The following GIT2 variants were observed in gnomAD, a reference collection of about 807,000 sequenced individuals.
GIT2 encodes the protein GIT ArfGAP 2.
Under a neutral mutation model 100.3 loss-of-function variants are expected in GIT2, and 32 were observed. That is an observed-to-expected ratio of 0.32 (90% confidence interval 0.24 to 0.43). The LOEUF is 0.43. Among genes scored for constraint, GIT2 ranks in the 20% least tolerant of loss-of-function variants. The pLI is 1.00. For missense variants in GIT2, 737 were observed against 975.1 expected (o/e 0.76, Z 3.25); for synonymous variants, 353 against 364.1 (o/e 0.97, Z 0.35).
intron 14 of GIT2, among the ~76,000 whole-genome samples, chr12:109,949,587 G>A (rs1015417301): frequency 1.1e-4 from 17 of 152,198 alleles, no homozygotes; most frequent in African/African-American, 4.1e-4. Flanking sequence ...AAAATAAAAA[G>A]TTATAGACAA....
chr12:109,992,765 G>T (rs10083041), intron 1 of GIT2, among the ~76,000 whole-genome samples: 1 of 151,634 alleles, frequency 6.6e-6, no homozygotes, highest in Non-Finnish European at 1.5e-5. Context: ...TCTGCCTCCA[G>T]GGTTCAAGCG....
intron 4 of GIT2, among the ~76,000 whole-genome samples, chr12:109,986,024 C>T (rs2136883933): frequency 6.6e-6 from 1 of 151,724 alleles, no homozygotes; most frequent in Middle Eastern, 3.4e-3. Context: ...CAGAGTGAGA[C>T]TCTGTCGTTT....
In GIT2 at chr12:109,954,521, T is replaced by A. The variant is rs1162849246; in HGVS notation, c.1100-1287A>T. The A allele has an allele frequency of 2.0e-5, 3 of 152,216 alleles. No homozygotes were observed. The East Asian group carries it at 5.8e-4, about 29-fold the overall frequency. 9.4% of individuals were successfully genotyped at this position (152,216 alleles called of 1,614,324 possible). On this transcript the variant is annotated intron_variant, in intron 12 of 19. Transcript: ENST00000355312. ...CTGATTTCTTTCAGGCAACTCAAAC[T>A]CTGACTTCTAATATTGTTTCCCAGA...
At position 109,953,120 on chromosome 12, in the gene GIT2, G is replaced by T. The variant is rs1334067007; in HGVS notation, c.1214C>A (p.Thr405Asn). ...VASDEDTDLE[T>N]TASKTNRQKS... ...CTGCCGGTTTGTTTTGCTTGCAGTG[G>T]TTTCCAAATCTGTGTCTTCGTCTGA... Residue 405 changes from threonine (T) to asparagine (N), a missense_variant, in exon 13 of 20, where the codon ACC (threonine) becomes AAC (asparagine). Transcript: ENST00000355312. 2 of 1,614,016 alleles carry T rather than the reference G, an allele frequency of 1.2e-6. No homozygotes were observed. Among genetic ancestry groups the T allele is most frequent in the Non-Finnish European group, 1.7e-6 (2 of 1,180,036 alleles).
Position 109,932,377 on chromosome 12 carries a change from G to A in GIT2, c.*601C>T, listed in dbSNP as rs1871801239. On this transcript the variant is annotated 3_prime_UTR_variant, in exon 20 of 20. Transcript: ENST00000355312. ...CTTGAGATAACAACATTAAATAACA[G>A]AACATGTAACAGGGTAAAACACTGA... 6.6e-6 allele frequency: 1 copy of A among 152,612 alleles called. No homozygotes were observed. The highest frequency in any genetic ancestry group is 1.5e-5 in the Non-Finnish European group (1 of 68,392). The allele number at this position is 152,612 out of a possible 1,614,324, so 9.5% of individuals were successfully genotyped here.
At position 109,947,414 on chromosome 12, in the gene GIT2, T is replaced by C; in HGVS notation, c.1483A>G (p.Thr495Ala). 6.2e-7 allele frequency: 1 copy of C among 1,614,070 alleles called. No homozygotes were observed. The highest frequency in any genetic ancestry group is 1.1e-5 in the South Asian group (1 of 91,086). ...QVQTGSEYTD[T>A]SNHSSLKRRP... ...CTCTTTAAGGAAGAGTGGTTGGAAG[T>C]GTCTGTGTACTCAGAACCAGTTTGC... The change falls in exon 15 of 20, where the codon ACT becomes GCT. Residue 495 changes from threonine to alanine, a missense_variant. Thr to Ala is a moderately conservative substitution (Grantham distance 58). Around this residue, in one of 3 missense-constraint regions of GIT2, gnomAD observed 451 missense variants for 543.7 expected, o/e 0.83. Coordinates refer to ENST00000355312, the MANE Select transcript of GIT2 (RefSeq NM_057169.5). The surrounding 1 kb of genome is among the most constrained non-coding windows in gnomAD (Gnocchi z 4.3).
At chr12:109,961,078 G>A (rs1354418932) in intron 11 of GIT2, among the ~76,000 whole-genome samples, 200 bp downstream of exon 11, 1 of 152,046 alleles carries the variant, frequency 6.6e-6, no homozygotes, top group African/African-American at 2.4e-5. Flanking sequence ...TTTCTTCTGT[G>A]AATTGTTTCA....
At chr12:109,997,740 A>G (rs954674282), upstream of GIT2, 5 of 152,252 alleles carry the variant, frequency 3.3e-5, no homozygotes, top group African/African-American at 1.2e-4. Flanking sequence ...AGCTCCCATA[A>G]TTATGGATAT....
rs145639834 is a variant in GIT2 at position 109,965,357 on chromosome 12, T to C, written c.816+169A>G. ...AATGAACTGAATATACTGAACTTAA[T>C]AGTCCTTGTGGTCATCACTGCTGTA... On this transcript the variant is annotated intron_variant, in intron 9 of 19. Transcript: ENST00000355312. 3.5e-3 allele frequency among the ~76,000 whole-genome samples: 536 copies of C among 152,344 alleles called. 5 individuals are homozygous for C. The highest frequency in any genetic ancestry group is 6.2e-3 in the African/African-American group (256 of 41,578).
At chr12:109,943,867 A>AT (rs1875527396) in intron 16 of GIT2, among the ~76,000 whole-genome samples, 1 of 151,044 alleles carries the variant, frequency 6.6e-6, no homozygotes, top group Non-Finnish European at 1.5e-5. Flanking sequence ...AATTTTTTAT[A>AT]TTTTTTATAG....
chr12:109,948,683 A>C lies in GIT2; in HGVS notation c.1393-1179T>G. The C allele has an allele frequency of 6.9e-7, 1 of 1,446,152 alleles. No individual in the cohort carries two copies. The highest frequency in any genetic ancestry group is 9.0e-7 in the Non-Finnish European group (1 of 1,106,068). The allele number at this position is 1,446,152 out of a possible 1,614,324, so 89.6% of individuals were successfully genotyped here. A position where few individuals can be genotyped will look rare whatever the true frequency, so the allele number is the denominator to read the frequency against. ...AAATTCCCCACCAGTGCCAAGGTTT[A>C]AGTCCACAAGCAACTGTTTGCACCA... On this transcript the variant is annotated intron_variant, in intron 14 of 19. Transcript: ENST00000355312. The surrounding 1 kb of genome is among the most constrained non-coding windows in gnomAD (Gnocchi z 4.3).
At chr12:109,994,323 G>A (rs995022503) in intron 1 of GIT2, among the ~76,000 whole-genome samples, 6 of 152,108 alleles carry the variant, frequency 3.9e-5, no homozygotes, top group African/African-American at 1.4e-4. Flanking sequence ...CTGGAGCCAG[G>A]GCTCCAGGGA....
chr12:109,931,342 TG>T lies in GIT2; in HGVS notation c.*1635del, dbSNP rs924682297. ...TAAGACTCAGAGGCTGCTCCAGGTG[TG>T]TCCGGGGAAGCCAGGCCCTCACACT... On this transcript the variant is annotated 3_prime_UTR_variant, in exon 20 of 20. Coordinates refer to ENST00000355312, the MANE Select transcript of GIT2 (RefSeq NM_057169.5). 2 of 152,228 alleles carry T rather than the reference TG, an allele frequency of 1.3e-5. No homozygotes were observed. The highest frequency in any genetic ancestry group is 1.3e-4 in the Admixed American group (2 of 15,282). 9.4% of individuals were successfully genotyped at this position (152,228 alleles called of 1,614,324 possible). A position where few individuals can be genotyped will look rare whatever the true frequency, so the allele number is the denominator to read the frequency against.
At position 109,943,634 on chromosome 12, in the gene GIT2, G is replaced by A. The variant is rs1013623211; in HGVS notation, c.1731+1626C>T. On this transcript the variant is annotated intron_variant, in intron 16 of 19. Coordinates refer to ENST00000355312, the MANE Select transcript of GIT2 (RefSeq NM_057169.5). ...CAGGCATGAGCCACTGCACCCAGCC[G>A]AGACTTTAAGTACAATGTATCAAGA... Among the ~76,000 whole-genome samples, 4 of 151,426 alleles carry A rather than the reference G, an allele frequency of 2.6e-5. No individual in the cohort carries two copies. The East Asian group carries it at 7.8e-4, about 30-fold the overall frequency.
rs1036975893 is a variant in GIT2, at chr12:109,936,868, C to T, written c.2003+1512G>A. The stretch of plus-strand genomic sequence containing the variant: ...TGGGTGACAGAGCAAGACTCTGTCT[C>T]AAAAAAAAAAAAAAAAGCTCTGTAC... On this transcript the variant is annotated intron_variant, in intron 18 of 19. Transcript: ENST00000355312. Among the ~76,000 whole-genome samples, 9 of 91,782 alleles carry T rather than the reference C, an allele frequency of 9.8e-5. No homozygotes were observed. In the South Asian group the frequency reaches 2.1e-3, roughly 22 times the overall value. 60.2% of individuals were successfully genotyped at this position (91,782 alleles called of 152,430 possible). A position where few individuals can be genotyped will look rare whatever the true frequency, so the allele number is the denominator to read the frequency against.
At chr12:109,981,423 GC>G (rs1886301629) in intron 6 of GIT2, 2 of 201,064 alleles carry the variant, frequency 9.9e-6, no homozygotes, top group Non-Finnish European at 2.1e-5. Context: ...CCATGTGCAG[GC>G]CCCACCCTTG....
In GIT2 at chr12:109,939,211, T is replaced by C. The variant is rs943706257; in HGVS notation, c.1768A>G (p.Ser590Gly). 2.2e-5 allele frequency: 36 copies of C among 1,610,820 alleles called. No homozygotes were observed. Among genetic ancestry groups the C allele is most frequent in the Non-Finnish European group, 2.9e-5 (34 of 1,177,210 alleles). Residue 590 changes from serine to glycine, a missense_variant, in exon 17 of 20, where the codon AGT (serine) becomes GGT (glycine). This residue lies in a region of GIT2 where 451 missense variants were observed against 543.7 expected (regional missense o/e 0.83). Transcript: ENST00000355312. ...RLEKQNSTPE[S>G]DYDNTPNDME... ...TCGTTGGGAGTGTTGTCGTAGTCAC[T>C]CTCAGGTGTGCTGTTCTGCTTCTCC...
chr12:109,952,204 G>T (rs768734248), intron 13 of GIT2, among the ~76,000 whole-genome samples: 2 of 152,164 alleles, frequency 1.3e-5, no homozygotes, highest in Non-Finnish European at 2.9e-5. Flanking sequence ...TTATTGCCAA[G>T]ACTTTTCTAT....
chr12:109,947,533 T>A lies in GIT2; in HGVS notation c.1393-29A>T. 1 of 1,599,824 alleles carries A rather than the reference T, an allele frequency of 6.3e-7. No homozygotes were observed. On this transcript the variant is annotated intron_variant, in intron 14 of 19. Coordinates refer to ENST00000355312, the MANE Select transcript of GIT2 (RefSeq NM_057169.5). The surrounding 1 kb of genome is among the most constrained non-coding windows in gnomAD (Gnocchi z 4.3). ...AAAGAAATGTTTGGCAGTGGGACTG[T>A]GTTTTTTTACAGCAAGCAGAAAAAG...
Sources: allele counts gnomAD v4.1 joint callset (sites outside exome capture counted in the v4.1 genomes callset), GRCh38; gene constraint gnomAD v4.1.1; regional missense constraint gnomAD v4.1.1; non-coding constraint Gnocchi (gnomAD v3.1); transcripts MANE v1.5; gene names NCBI Gene and HGNC (gene_info 2026-07-23, HGNC 2026-07-21).